MLLT10: variants seen among roughly 807,000 people sequenced by gnomAD.
MLLT10 encodes MLLT10 histone lysine methyltransferase DOT1L cofactor.
In MLLT10, 30 loss-of-function variants were observed where a neutral mutation model predicts 129.1. The observed-to-expected ratio is 0.23, with a 90% confidence interval of 0.17 to 0.32. The LOEUF (loss-of-function observed/expected upper bound fraction) is 0.32, where lower values mean the gene tolerates loss of function less well. MLLT10 is among the 10% of genes least tolerant of loss of function. The probability of loss-of-function intolerance (pLI) is 1.00; values close to 1 mark genes in which losing one functional copy is unlikely to be tolerated. For missense variants in MLLT10, 1,119 were observed against 1,268.3 expected, an observed-to-expected ratio of 0.88 and a Z score of 1.79; for synonymous variants, 490 against 446.4, an observed-to-expected ratio of 1.10 and a Z score of -1.23.
chr10:21,613,036 A>G (rs1417587039), intron 6 of MLLT10, among the ~76,000 whole-genome samples: 3 of 152,016 alleles, frequency 2.0e-5, no homozygotes, highest in Non-Finnish European at 2.9e-5. Flanking sequence ...TCTACTAAAA[A>G]CACAAAAATT....
chr10:21,626,869 G>C (rs957558119), intron 8 of MLLT10, among the ~76,000 whole-genome samples: 1 of 152,156 alleles, frequency 6.6e-6, no homozygotes, highest in Non-Finnish European at 1.5e-5. Flanking sequence ...AGTTAAGAGA[G>C]GACAGGTCTT....
At chr10:21,729,965 T>A (rs1012310640) in intron 16 of MLLT10, among the ~76,000 whole-genome samples, 1 of 152,102 alleles carries the variant, frequency 6.6e-6, no homozygotes, top group Non-Finnish European at 1.5e-5. Flanking sequence ...TGTAAAAGGA[T>A]CAAAAATTGC....
intron 8 of MLLT10, among the ~76,000 whole-genome samples, chr10:21,646,272 G>C (rs761713482): frequency 6.6e-6 from 1 of 152,140 alleles, no homozygotes; most frequent in African/African-American, 2.4e-5. Context: ...TACGGGGAAA[G>C]CAGTTCATTC....
chr10:21,674,974 CAAATAAATAAACAA>C (rs6143822), intron 11 of MLLT10, among the ~76,000 whole-genome samples: 77,330 of 151,732 alleles, frequency 0.51, 19,898 homozygotes, highest in Middle Eastern at 0.59. Context: ...AATAAACAAA[CAAATAAATAAACAA>C]ATAAGAAAGA....
chr10:21,680,107 T>C (rs1040069967), intron 11 of MLLT10, among the ~76,000 whole-genome samples: 11 of 152,210 alleles, frequency 7.2e-5, no homozygotes, highest in African/African-American at 2.7e-4. Context: ...ATTAGTGTTT[T>C]ATTCCTTGTT....
chr10:21,563,791 G>GTATTAT (rs34367086), intron 3 of MLLT10, among the ~76,000 whole-genome samples: 4,653 of 145,606 alleles, frequency 0.032, 184 homozygotes, highest in African/African-American at 0.092. Context: ...CTCACTGTGT[G>GTATTAT]TATTATTATT....
chr10:21,690,820 G>A (rs894145114), intron 13 of MLLT10, among the ~76,000 whole-genome samples: 1 of 151,652 alleles, frequency 6.6e-6, no homozygotes, highest in Non-Finnish European at 1.5e-5. Flanking sequence ...TTTCTTTATC[G>A]TTTTCAAAAC....
chr10:21,674,041 G>T, intron 11 of MLLT10, 122 bp downstream of exon 11: 1 of 751,662 alleles, frequency 1.3e-6, no homozygotes, highest in Non-Finnish European at 1.9e-6. Flanking sequence ...TTTAATTAAA[G>T]TGAAATTTCT....
rs1833791556 is a variant in MLLT10 at position 21,742,368 on chromosome 10, A to G, written c.*385A>G. The G allele has an allele frequency of 4.2e-6, 1 of 239,464 alleles. No individual in the cohort carries two copies. The highest frequency in any genetic ancestry group is 5.6e-5 in the Admixed American group (1 of 18,004). The allele number at this position is 239,464 out of a possible 1,614,324, so 14.8% of individuals were successfully genotyped here. On this transcript the variant is annotated 3_prime_UTR_variant, in exon 23 of 23. Transcript: ENST00000307729. ...TAAATACTTGCTCCATTTACAAACTACTTGATTTTATTGTACAAGTTGAAA... is the reference window on the plus strand; with the variant it reads ...TAAATACTTGCTCCATTTACAAACTGCTTGATTTTATTGTACAAGTTGAAA...
At chr10:21,694,599 T>C (rs1479496681) in intron 13 of MLLT10, among the ~76,000 whole-genome samples, 2 of 152,208 alleles carry the variant, frequency 1.3e-5, no homozygotes, top group East Asian at 1.9e-4. Flanking sequence ...ATGCTGAAAA[T>C]TGTTCAGGTT....
In MLLT10 at chr10:21,595,392, A is replaced by G; in HGVS notation, c.357A>G (p.Thr119=). The change falls in exon 5 of 23, where the codon ACA becomes ACG. Residue 119 remains threonine, a synonymous_variant. Transcript: ENST00000307729. ...IPEVQFANVS[T]MEPIVLQSVP... is the part of the protein sequence containing the mutation. ...AGGTACAATTTGCCAATGTTTCCAC[A>G]ATGGAACCAATTGTTTTACAGTCTG... The G allele has an allele frequency of 1.2e-6, 2 of 1,613,830 alleles. No individual in the cohort carries two copies. The highest frequency in any genetic ancestry group is 3.3e-5 in the Admixed American group (2 of 60,010).
chr10:21,636,115 G>C (rs911085786), intron 8 of MLLT10, among the ~76,000 whole-genome samples: 1 of 151,496 alleles, frequency 6.6e-6, no homozygotes, highest in African/African-American at 2.4e-5. Context: ...CTTTTGCATG[G>C]GTTTTGTTGT....
Position 21,598,396 on chromosome 10 carries a change from C to T in MLLT10, c.405+2956C>T, listed in dbSNP as rs573391151. On this transcript the variant is annotated intron_variant, in intron 5 of 22. Coordinates refer to ENST00000307729, the MANE Select transcript of MLLT10 (RefSeq NM_001195626.3). ...ATCTTGTGTTATTCCTGCTGTAGTT[C>T]TGAAATCACCATTTCTCTGAGTAAC... Among the ~76,000 whole-genome samples, 3 of 152,282 alleles carry T rather than the reference C, an allele frequency of 2.0e-5. No homozygotes were observed. The East Asian group carries it at 5.8e-4, about 29-fold the overall frequency.
intron 13 of MLLT10, among the ~76,000 whole-genome samples, chr10:21,699,212 CT>C (rs143644406): frequency 0.041 from 6,243 of 150,576 alleles, 159 homozygotes; most frequent in Non-Finnish European, 0.06. Context: ...TATTCATGTC[CT>C]TTGCCCACTT....
At chr10:21,707,520 A>G (rs999508479) in intron 13 of MLLT10, among the ~76,000 whole-genome samples, 18 of 152,134 alleles carry the variant, frequency 1.2e-4, no homozygotes, top group Non-Finnish European at 2.5e-4. Context: ...TTCTAGATGC[A>G]CTGCAAGTCC....
chr10:21,614,838 T>C lies in MLLT10; in HGVS notation c.517T>C (p.Phe173Leu). The change falls in exon 7 of 23, where the codon TTT (phenylalanine) becomes CTT (leucine). Residue 173 changes from phenylalanine to leucine, a missense_variant. Phe to Leu is a conservative substitution (Grantham distance 22). Around this residue, in one of 5 missense-constraint regions of MLLT10, gnomAD observed 44 missense variants for 114.3 expected, o/e 0.38. Coordinates refer to ENST00000307729, the MANE Select transcript of MLLT10 (RefSeq NM_001195626.3). Reference sequence around the variant, plus strand: ...CTTGGCTTTTATTTTCAGCGCTCAGTTTGCCGGACTGCTTTGTGAAGAAGA... The same window carrying C: ...CTTGGCTTTTATTTTCAGCGCTCAGCTTGCCGGACTGCTTTGTGAAGAAGA... ...RQAFHVTCAQ[F>L]AGLLCEEEGN... is the part of the protein sequence containing the mutation. 6.2e-7 allele frequency: 1 copy of C among 1,611,964 alleles called. No individual in the cohort carries two copies. The highest frequency in any genetic ancestry group is 1.1e-5 in the South Asian group (1 of 90,422).
intron 8 of MLLT10, among the ~76,000 whole-genome samples, chr10:21,644,653 AT>A (rs2048317096): frequency 6.6e-6 from 1 of 151,710 alleles, no homozygotes; most frequent in South Asian, 2.1e-4. Context: ...TTTAATTGTA[AT>A]TTTTTGAGAC....
In MLLT10 at chr10:21,714,099, A is replaced by G. The variant is rs1308054009; in HGVS notation, c.1878+149A>G. 5 of 633,568 alleles carry G rather than the reference A, an allele frequency of 7.9e-6. No individual in the cohort carries two copies. The East Asian group carries it at 1.2e-4, about 15-fold the overall frequency. The allele number at this position is 633,568 out of a possible 1,614,324, so 39.2% of individuals were successfully genotyped here. ...GTATTAATGTATTAGTGAAAATGAT[A>G]GGTATTTTTACATGGTATTCATGAG... On this transcript the variant is annotated intron_variant, in intron 14 of 22. Coordinates refer to ENST00000307729, the MANE Select transcript of MLLT10 (RefSeq NM_001195626.3).
intron 3 of MLLT10, among the ~76,000 whole-genome samples, chr10:21,574,552 A>G (rs185231722): frequency 9.3e-4 from 141 of 152,348 alleles, no homozygotes; most frequent in Admixed American, 8.8e-3. Context: ...TGGCTACTCC[A>G]TAGGGAGAGC....
Sources: gnomAD v4.1 joint callset for allele counts (sites outside exome capture counted in the v4.1 genomes callset) on GRCh38, gnomAD v4.1.1 for gene constraint, gnomAD v4.1.1 regional missense constraint, MANE v1.5 for transcripts, NCBI Gene and HGNC (gene_info 2026-07-23, HGNC 2026-07-21) for gene names.